The following ACACA variants were observed in gnomAD, a reference collection of about 807,000 sequenced individuals.
ACACA encodes the protein acetyl-CoA carboxylase alpha, also known as acetyl-CoA carboxylase 1.
A neutral mutation model predicts 296.1 loss-of-function variants in ACACA; 103 were observed. That is an observed-to-expected ratio of 0.35 (90% CI 0.30 to 0.41). The LOEUF is 0.41. Among genes scored for constraint, ACACA ranks in the 10% least tolerant of loss-of-function variants. The pLI is 1.00. For missense variants in ACACA, 1,554 were observed against 2,989.7 expected (o/e 0.52, Z 11.20); for synonymous variants, 953 against 1,038.6 (o/e 0.92, Z 1.58).
intron 48 of ACACA, chr17:37,122,869 A>G: frequency 1.7e-6 from 1 of 588,030 alleles, no homozygotes; most frequent in Non-Finnish European, 3.0e-6. Flanking sequence ...CACAAGATAA[A>G]TTCAAACCAA....
At position 37,200,025 on chromosome 17, in the gene ACACA, AAAG is replaced by A. The variant is rs1273589785; in HGVS notation, c.4158+111_4158+113del. ...TGAATATTTATTATAATAATTTCTA[AAAG>A]AAGAAGGATCAAATATCAGTCCAGC... On this transcript the variant is annotated intron_variant, in intron 35 of 55. Coordinates refer to ENST00000616317, the MANE Select transcript of ACACA (RefSeq NM_198834.3). 16 of 786,754 alleles carry A rather than the reference AAAG, an allele frequency of 2.0e-5. No homozygotes were observed. The African/African-American group carries it at 2.8e-4, about 14-fold the overall frequency. The allele number at this position is 786,754 out of a possible 1,614,324, so 48.7% of individuals were successfully genotyped here.
rs1330098959 is a variant in ACACA at position 37,200,433 on chromosome 17, T to C, written c.4107A>G (p.Ala1369=). 1 of 1,611,956 alleles carries C rather than the reference T, an allele frequency of 6.2e-7. No homozygotes were observed. The highest frequency in any genetic ancestry group is 1.1e-5 in the South Asian group (1 of 91,022). ...HGIRRLTFLV[A]QKDFRKQVNY... ...ACAATTCACATGTCAGTACCTTTTGTGCAACCAGGAAAGTAAGGCGCCGGA... is the reference window on the plus strand; with the variant it reads ...ACAATTCACATGTCAGTACCTTTTGCGCAACCAGGAAAGTAAGGCGCCGGA... The change falls in exon 34 of 56, where the codon GCA becomes GCG. Residue 1369 remains alanine, a synonymous_variant. Transcript: ENST00000616317.
At position 37,294,424 on chromosome 17, in the gene ACACA, G is replaced by C. The variant is rs545260581; in HGVS notation, c.339-9454C>G. ...TAAGCCAATTTGGTAGACACAACAT[G>C]TAACAATAAGTGTGCATACAAATAA... On this transcript the variant is annotated intron_variant, in intron 3 of 55. Transcript: ENST00000616317. Among the ~76,000 whole-genome samples, 264 of 152,292 alleles carry C rather than the reference G, an allele frequency of 1.7e-3. 1 individual carries two copies. Among genetic ancestry groups the C allele is most frequent in the African/African-American group, 6.0e-3 (250 of 41,558 alleles).
intron 45 of ACACA, among the ~76,000 whole-genome samples, chr17:37,138,352 C>G (rs1214419202): frequency 6.6e-6 from 1 of 152,212 alleles, no homozygotes; most frequent in African/African-American, 2.4e-5. Flanking sequence ...AGTCTGTGCA[C>G]AGCCAGGGCC....
intron 29 of ACACA, among the ~76,000 whole-genome samples, chr17:37,213,172 T>TAC (rs1392797924): frequency 1.3e-5 from 2 of 148,218 alleles, no homozygotes; most frequent in Non-Finnish European, 3.0e-5. Flanking sequence ...CACACACACA[T>TAC]ACACACACAC....
intron 47 of ACACA, 109 bp from the exon 48 acceptor site, chr17:37,125,903 T>C (rs1161948175): frequency 3.0e-6 from 3 of 1,003,816 alleles, no homozygotes; most frequent in East Asian, 5.2e-5. Context: ...GGGGAGTTTG[T>C]TGTTTTTAAC....
intron 29 of ACACA, among the ~76,000 whole-genome samples, chr17:37,217,099 TA>T (rs1175088310): frequency 6.6e-6 from 1 of 150,938 alleles, no homozygotes; most frequent in South Asian, 2.1e-4. Context: ...CCGTCTTTAC[TA>T]AAAAATCAAA....
chr17:37,384,315 A>T lies in ACACA; in HGVS notation c.38+21947T>A, dbSNP rs1287061769. ...GGAATGTAGAAAAAGGTAAATGGAG[A>T]CTATTTGTTATTATTTAAGAAATTT... On this transcript the variant is annotated intron_variant, in intron 1 of 55. Coordinates refer to ENST00000616317, the MANE Select transcript of ACACA (RefSeq NM_198834.3). Among the ~76,000 whole-genome samples the T allele has an allele frequency of 3.3e-5, 5 of 152,254 alleles. No homozygotes were observed. In the East Asian group the frequency reaches 7.7e-4, roughly 24 times the overall value.
intron 52 of ACACA, among the ~76,000 whole-genome samples, chr17:37,108,244 A>C (rs1010519568): frequency 1.3e-5 from 2 of 152,156 alleles, no homozygotes; most frequent in Non-Finnish European, 2.9e-5. Flanking sequence ...ACAGACCTGC[A>C]AACTAGTAAT....
intron 27 of ACACA, among the ~76,000 whole-genome samples, chr17:37,224,647 G>GT (rs888984476): frequency 6.6e-5 from 10 of 151,968 alleles, no homozygotes; most frequent in Non-Finnish European, 1.2e-4. Context: ...AGAGAAATGT[G>GT]TGTGTGTATA....
At chr17:37,122,675 A>G in intron 48 of ACACA, 48 bp from the exon 49 acceptor site, 1 of 1,493,302 alleles carries the variant, frequency 6.7e-7, no homozygotes. Flanking sequence ...TCAACATTAT[A>G]GCTAGCCATT....
At chr17:37,276,081 G>T in intron 7 of ACACA, 32 bp from the exon 8 acceptor site, 1 of 1,536,130 alleles carries the variant, frequency 6.5e-7, no homozygotes, top group African/African-American at 1.4e-5. Context: ...AATCCTGACT[G>T]TAACACCTTG....
At chr17:37,192,702 C>T (rs2076023098) in intron 36 of ACACA, among the ~76,000 whole-genome samples, 1 of 152,022 alleles carries the variant, frequency 6.6e-6, no homozygotes. Context: ...TGAGCTTACC[C>T]AACTAATCTA....
At chr17:37,121,203 T>C in intron 50 of ACACA, 152 bp downstream of exon 50, 1 of 951,230 alleles carries the variant, frequency 1.1e-6, no homozygotes, top group South Asian at 1.4e-5. Flanking sequence ...CCATTCAAGT[T>C]GCAACTCAAA....
rs2080345914 is a variant in ACACA, at chr17:37,240,582, C to T, written c.3033-18G>A. ...TTCGGTACCTAGGCAAATAGAAAGTCTCCACTGAAAAACCTGACAATCCAA... is the reference window on the plus strand; with the variant it reads ...TTCGGTACCTAGGCAAATAGAAAGTTTCCACTGAAAAACCTGACAATCCAA... On this transcript the variant is annotated intron_variant, in intron 23 of 55. Transcript: ENST00000616317. 2 of 1,605,790 alleles carry T rather than the reference C, an allele frequency of 1.2e-6. No homozygotes were observed. The highest frequency in any genetic ancestry group is 1.7e-6 in the Non-Finnish European group (2 of 1,177,092).
Position 37,097,176 on chromosome 17 carries a change from G to C in ACACA, c.6721-10C>G, listed in dbSNP as rs907313161. On this transcript the variant is annotated splice_polypyrimidine_tract_variant and intron_variant, in intron 53 of 55. Coordinates refer to ENST00000616317, the MANE Select transcript of ACACA (RefSeq NM_198834.3). This position sits in a 1 kb window ranked among gnomAD's most constrained non-coding sequence, Gnocchi z 4.8. ...TCCAATCCAGGATATCCTACATGCA[G>C]AGAAGAATAAACTTAGCCCAGTCCT... 6.2e-7 allele frequency: 1 copy of C among 1,612,162 alleles called. No individual in the cohort carries two copies. Among genetic ancestry groups the C allele is most frequent in the African/African-American group, 1.3e-5 (1 of 74,924 alleles).
chr17:37,189,914 C>T (rs1278221659), intron 38 of ACACA, among the ~76,000 whole-genome samples: 4 of 152,050 alleles, frequency 2.6e-5, no homozygotes, highest in Admixed American at 1.3e-4. Flanking sequence ...ATGACTCATG[C>T]CTGTAATCCC....
chr17:37,340,352 G>A lies in ACACA; in HGVS notation c.39-502C>T, dbSNP rs553129684. Among the ~76,000 whole-genome samples, 15 of 152,224 alleles carry A rather than the reference G, an allele frequency of 9.9e-5. 1 individual carries two copies. Among genetic ancestry groups the A allele is most frequent in the Middle Eastern group, 6.8e-3 (2 of 294 alleles). ...GTCTCTAGCAACTCCCCAAATCCTCGGTTTCCTTCTTAAGCCTGACAATTT... is the reference window on the plus strand; with the variant it reads ...GTCTCTAGCAACTCCCCAAATCCTCAGTTTCCTTCTTAAGCCTGACAATTT... On this transcript the variant is annotated intron_variant, in intron 1 of 55. Transcript: ENST00000616317.
chr17:37,229,864 C>T (rs117728746), intron 25 of ACACA, among the ~76,000 whole-genome samples: 5,410 of 149,890 alleles, frequency 0.036, 132 homozygotes, highest in Middle Eastern at 0.11. Flanking sequence ...GAGGTCAGTT[C>T]GAGACCAGCC....
Sources: gnomAD v4.1 joint callset for allele counts (sites outside exome capture counted in the v4.1 genomes callset) on GRCh38, gnomAD v4.1.1 for gene constraint, Gnocchi (gnomAD v3.1) non-coding constraint, MANE v1.5 for transcripts, NCBI Gene and HGNC (gene_info 2026-07-23, HGNC 2026-07-21) for gene names.